Variants in LRP5 observed in about 807,000 individuals in gnomAD.
LRP5 encodes the protein low-density lipoprotein receptor-related protein 5.
Under a neutral mutation model 154.1 loss-of-function variants are expected in LRP5, and 62 were observed. That is an observed-to-expected ratio of 0.40 (90% CI 0.33 to 0.50). The LOEUF (loss-of-function observed/expected upper bound fraction) is 0.50. LRP5 is among the 20% of genes least tolerant of loss of function. The probability of loss-of-function intolerance (pLI) is 0.55; values close to 1 mark genes in which losing one functional copy is unlikely to be tolerated. For missense variants in LRP5, 1,915 were observed against 2,336.7 expected (o/e 0.82, Z 3.72); for synonymous variants, 966 against 1,011.5 (o/e 0.96, Z 0.85).
chr11:68,400,001 G>A (rs1244591170), intron 7 of LRP5, among the ~76,000 whole-genome samples: 2 of 152,162 alleles, frequency 1.3e-5, no homozygotes, highest in Admixed American at 6.5e-5. Flanking sequence ...CCTGGGTTCT[G>A]GAATCCAGGT....
At chr11:68,333,523 C>T (rs1466026527) in intron 1 of LRP5, among the ~76,000 whole-genome samples, 1 of 152,158 alleles carries the variant, frequency 6.6e-6, no homozygotes, top group Non-Finnish European at 1.5e-5. Context: ...AGCATTTCCC[C>T]TTGAAGGGGA....
chr11:68,347,110 A>C (rs1007134676), intron 1 of LRP5, among the ~76,000 whole-genome samples: 3 of 152,212 alleles, frequency 2.0e-5, no homozygotes, highest in African/African-American at 7.2e-5. Context: ...AGGTGAGGCC[A>C]GAGGCCAAGG....
chr11:68,403,393 T>A (rs1237873713), intron 7 of LRP5, 90 bp from the exon 8 acceptor site: 9 of 1,139,668 alleles, frequency 7.9e-6, no homozygotes, highest in Non-Finnish European at 1.2e-5. Context: ...CCGTCTTGTT[T>A]GGGGCAGCTC....
At chr11:68,349,556 G>A (rs1044897501) in intron 2 of LRP5, among the ~76,000 whole-genome samples, 4 of 152,288 alleles carry the variant, frequency 2.6e-5, no homozygotes, top group East Asian at 1.9e-4. Context: ...AGTGGTTCTC[G>A]GGTCCGTTCT....
At chr11:68,397,588 T>C (rs1358084623) in intron 7 of LRP5, among the ~76,000 whole-genome samples, 1 of 152,208 alleles carries the variant, frequency 6.6e-6, no homozygotes, top group Non-Finnish European at 1.5e-5. Context: ...GGCTGGAAGC[T>C]GTGGCCCTTG....
intron 1 of LRP5, among the ~76,000 whole-genome samples, chr11:68,333,131 C>T (rs1418884791): frequency 6.6e-6 from 1 of 152,036 alleles, no homozygotes; most frequent in Admixed American, 6.5e-5. Flanking sequence ...GAGTGGCCAC[C>T]GCCACCCCAG....
chr11:68,338,169 T>C (rs2098606788), intron 1 of LRP5, among the ~76,000 whole-genome samples: 1 of 152,200 alleles, frequency 6.6e-6, no homozygotes, highest in African/African-American at 2.4e-5. Flanking sequence ...CTCTAGCTTG[T>C]GTCCAGGCTG....
intron 1 of LRP5, among the ~76,000 whole-genome samples, chr11:68,347,136 TA>T (rs1245804128): frequency 6.6e-6 from 1 of 152,188 alleles, no homozygotes; most frequent in African/African-American, 2.4e-5. Context: ...GAGGCCAGGC[TA>T]GGGGGTCTGA....
intron 7 of LRP5, among the ~76,000 whole-genome samples, chr11:68,396,024 T>C (rs1591274335): frequency 6.6e-6 from 1 of 152,012 alleles, no homozygotes; most frequent in Non-Finnish European, 1.5e-5. Flanking sequence ...TGCAGGCTCG[T>C]TCAGGAAACA....
intron 1 of LRP5, among the ~76,000 whole-genome samples, chr11:68,316,730 G>A (rs1473672520): frequency 2.0e-5 from 3 of 152,256 alleles, no homozygotes; most frequent in African/African-American, 4.8e-5. Context: ...GAGGTGGCTG[G>A]TGGGAGGATC....
At chr11:68,407,300 C>T (rs1011281529) in intron 9 of LRP5, among the ~76,000 whole-genome samples, 1 of 151,686 alleles carries the variant, frequency 6.6e-6, no homozygotes, top group African/African-American at 2.4e-5. Flanking sequence ...TCCTGAGTAG[C>T]TGGGACTACA....
At chr11:68,391,852 G>A (rs1410436219) in intron 7 of LRP5, among the ~76,000 whole-genome samples, 1 of 152,220 alleles carries the variant, frequency 6.6e-6, no homozygotes, top group Non-Finnish European at 1.5e-5. Flanking sequence ...CTCAGCAGTG[G>A]TTTTCTTGAG....
At chr11:68,327,172 C>T (rs1354601829) in intron 1 of LRP5, among the ~76,000 whole-genome samples, 1 of 152,244 alleles carries the variant, frequency 6.6e-6, no homozygotes, top group Non-Finnish European at 1.5e-5. Flanking sequence ...CAGGCTCCCC[C>T]TCCAAAGCCA....
In LRP5 at chr11:68,386,796, G is replaced by GGGAC; in HGVS notation, c.1412+85_1412+88dup. 6.9e-7 allele frequency: 1 copy of GGGAC among 1,453,298 alleles called. No homozygotes were observed. Among genetic ancestry groups the GGGAC allele is most frequent in the Non-Finnish European group, 9.3e-7 (1 of 1,076,954 alleles). 90.0% of individuals were successfully genotyped at this position (1,453,298 alleles called of 1,614,324 possible). A position where few individuals can be genotyped will look rare whatever the true frequency, so the allele number is the denominator to read the frequency against. Reference sequence around the variant, plus strand: ...GAGATTGACCTGGACCTGTCATTCTGGGACACTGTCTTGCATCAGAACCCG... The same window carrying GGGAC: ...GAGATTGACCTGGACCTGTCATTCTGGGACGGACACTGTCTTGCATCAGAACCCG... On this transcript the variant is annotated intron_variant, in intron 6 of 22. Coordinates refer to ENST00000294304, the MANE Select transcript of LRP5 (RefSeq NM_002335.4). This position sits in a 1 kb window ranked among gnomAD's most constrained non-coding sequence, Gnocchi z 7.9.
chr11:68,406,398 G>C (rs2098655676), intron 8 of LRP5, 126 bp from the exon 9 acceptor site: 3 of 1,023,412 alleles, frequency 2.9e-6, no homozygotes, highest in Non-Finnish European at 4.6e-6. Flanking sequence ...TGACCCGGGG[G>C]TGAGTCCTGA....
intron 16 of LRP5, among the ~76,000 whole-genome samples, chr11:68,426,896 G>A (rs557700497): frequency 3.9e-5 from 6 of 152,326 alleles, no homozygotes; most frequent in African/African-American, 1.4e-4. Flanking sequence ...GGTAGCAGTT[G>A]TGGGATCGAG....
the LRP5 span, among the ~76,000 whole-genome samples, chr11:68,300,475 A>G: frequency 6.7e-6 from 1 of 149,374 alleles, no homozygotes; most frequent in South Asian, 2.1e-4. Flanking sequence ...TCAAGTACTG[A>G]AGGCCTCAGA....
intron 7 of LRP5, among the ~76,000 whole-genome samples, chr11:68,394,711 G>A (rs944438736): frequency 3.3e-5 from 5 of 152,172 alleles, no homozygotes; most frequent in South Asian, 4.2e-4. Flanking sequence ...TGATCCGCCC[G>A]TCTCGGCCTC....
At chr11:68,305,335 A>C in the LRP5 span, among the ~76,000 whole-genome samples, 1 of 151,868 alleles carries the variant, frequency 6.6e-6, no homozygotes, top group Admixed American at 6.6e-5. Context: ...AACTCCCTGA[A>C]GCCTTCCCAG....
Sources: allele counts gnomAD v4.1 joint callset (sites outside exome capture counted in the v4.1 genomes callset), GRCh38; gene constraint gnomAD v4.1.1; non-coding constraint Gnocchi (gnomAD v3.1); transcripts MANE v1.5; gene names NCBI Gene and HGNC (gene_info 2026-07-23, HGNC 2026-07-21).